Variants in USH2A observed in about 807,000 individuals in gnomAD.
USH2A encodes Usher syndrome 2A (autosomal recessive, mild).
A neutral mutation model predicts 538.9 loss-of-function variants in USH2A; 443 were observed. The observed-to-expected ratio is 0.82, with a 90% confidence interval of 0.76 to 0.89. The LOEUF (loss-of-function observed/expected upper bound fraction) is 0.89, where lower values mean the gene tolerates loss of function less well. Among genes scored for constraint, USH2A ranks in the 40% least tolerant of loss-of-function variants. The probability of loss-of-function intolerance (pLI) is 0.00; values close to 1 mark genes in which losing one functional copy is unlikely to be tolerated. For missense variants in USH2A, 6,633 were observed against 6,324.8 expected (o/e 1.05, Z -1.65); for synonymous variants, 2,413 against 2,273.5 (o/e 1.06, Z -1.75).
chr1:215,715,952 G>A (rs929005091), intron 61 of USH2A, among the ~76,000 whole-genome samples: 3 of 152,094 alleles, frequency 2.0e-5, no homozygotes, highest in Non-Finnish European at 4.4e-5. Context: ...CACCCTTCAG[G>A]TCTTCCTCCA....
intron 64 of USH2A, among the ~76,000 whole-genome samples, chr1:215,664,756 G>A (rs925189309): frequency 7.2e-5 from 11 of 152,054 alleles, no homozygotes; most frequent in African/African-American, 2.7e-4. Flanking sequence ...CTCATGAAGG[G>A]GACTAGTGTT....
At position 215,878,814 on chromosome 1, in the gene USH2A, A is replaced by G; in HGVS notation, c.8508T>C (p.Tyr2836=). ...PLSVIPLSES[Y]VVISWQPPSK... ...ATGGTGGTTGCCAAGAAATCACAAC[A>G]TATGATTCACTTAGTGGAATCACAG... Residue 2836 remains tyrosine, a synonymous_variant, in exon 42 of 72, where the codon TAT becomes TAC. Coordinates refer to ENST00000307340, the MANE Select transcript of USH2A (RefSeq NM_206933.4). The G allele has an allele frequency of 1.2e-6, 2 of 1,614,032 alleles. No individual in the cohort carries two copies. Among genetic ancestry groups the G allele is most frequent in the South Asian group, 1.1e-5 (1 of 91,074 alleles).
intron 4 of USH2A, among the ~76,000 whole-genome samples, chr1:216,355,332 A>T (rs1055572000): frequency 6.9e-6 from 1 of 145,930 alleles, no homozygotes; most frequent in Admixed American, 6.8e-5. Context: ...AGAAAGAAAG[A>T]AAGAAAGAAA....
At chr1:215,652,840 C>A (rs1008322807) in intron 64 of USH2A, among the ~76,000 whole-genome samples, 1 of 152,114 alleles carries the variant, frequency 6.6e-6, no homozygotes, top group African/African-American at 2.4e-5. Flanking sequence ...AAGAGCAGAA[C>A]TTTGGTTGGT....
intron 43 of USH2A, among the ~76,000 whole-genome samples, chr1:215,872,617 T>A (rs1243590156): frequency 1.3e-5 from 2 of 152,160 alleles, no homozygotes; most frequent in Admixed American, 6.5e-5. Context: ...ACAAAACACA[T>A]CCTTCTGGAT....
At chr1:216,301,901 G>A (rs2037222989) in intron 9 of USH2A, among the ~76,000 whole-genome samples, 1 of 152,056 alleles carries the variant, frequency 6.6e-6, no homozygotes, top group Non-Finnish European at 1.5e-5. Context: ...AATAGTAATT[G>A]TCCTCCGGCT....
intron 30 of USH2A, among the ~76,000 whole-genome samples, chr1:216,064,710 AC>A (rs1043170623): frequency 4.0e-5 from 6 of 151,882 alleles, no homozygotes; most frequent in Non-Finnish European, 8.8e-5. Context: ...ACAAATACTT[AC>A]CATTGAGTTA....
chr1:215,885,631 G>T (rs182294078), intron 41 of USH2A, among the ~76,000 whole-genome samples: 3 of 152,196 alleles, frequency 2.0e-5, no homozygotes, highest in Admixed American at 1.3e-4. Flanking sequence ...CTATGCTGCT[G>T]TGCTCTCCAA....
chr1:216,344,988 G>A (rs1051157120), intron 4 of USH2A, among the ~76,000 whole-genome samples: 29 of 151,674 alleles, frequency 1.9e-4, no homozygotes, highest in African/African-American at 7.0e-4. Context: ...GACTTGGGGA[G>A]CTTTTTCCTC....
rs201710470 is a variant in USH2A, at chr1:216,175,347, G to A, written c.4532C>T (p.Ala1511Val). 2.8e-4 allele frequency: 450 copies of A among 1,613,702 alleles called. No homozygotes were observed. Among genetic ancestry groups the A allele is most frequent in the Non-Finnish European group, 3.5e-4 (413 of 1,179,880 alleles). Reference protein sequence around the residue: ...QLERRESSLPALMTTMMKGIR... With the variant: ...QLERRESSLPVLMTTMMKGIR... ...TCCTTTCATCATCGTGGTCATCAGAGCTGGTAGAGATGACTCTCTCCTTTC... is the reference window on the plus strand; with the variant it reads ...TCCTTTCATCATCGTGGTCATCAGAACTGGTAGAGATGACTCTCTCCTTTC... Residue 1511 changes from alanine (A) to valine (V), a missense_variant, in exon 21 of 72, where the codon GCT becomes GTT. By Grantham distance (64) the Ala-to-Val change is moderately conservative. Transcript: ENST00000307340.
chr1:216,229,288 A>T (rs1394366277), intron 14 of USH2A, among the ~76,000 whole-genome samples: 1 of 151,688 alleles, frequency 6.6e-6, no homozygotes, highest in Non-Finnish European at 1.5e-5. Context: ...TCTTTTTGCG[A>T]ATCTGAAGTC....
chr1:215,844,911 G>A (rs141775417), intron 45 of USH2A, among the ~76,000 whole-genome samples: 1 of 152,162 alleles, frequency 6.6e-6, no homozygotes, highest in African/African-American at 2.4e-5. Flanking sequence ...AATGAGGCTG[G>A]TGGAACGTGA....
intron 12 of USH2A, among the ~76,000 whole-genome samples, chr1:216,247,695 T>C (rs2036080386): frequency 6.6e-6 from 1 of 152,148 alleles, no homozygotes; most frequent in South Asian, 2.1e-4. Flanking sequence ...TGGAGCTCTA[T>C]TGTACAGCAT....
At chr1:216,214,271 A>G (rs1477391711) in intron 15 of USH2A, among the ~76,000 whole-genome samples, 4 of 152,086 alleles carry the variant, frequency 2.6e-5, no homozygotes, top group African/African-American at 9.6e-5. Flanking sequence ...TATTCATAGT[A>G]GACCAATGCT....
intron 3 of USH2A, among the ~76,000 whole-genome samples, chr1:216,412,862 T>G (rs181023949): frequency 6.6e-6 from 1 of 152,142 alleles, no homozygotes; most frequent in East Asian, 1.9e-4. Context: ...AGGCTAATTT[T>G]TTAAAATCTC....
intron 36 of USH2A, among the ~76,000 whole-genome samples, chr1:215,965,886 A>G: frequency 6.6e-6 from 1 of 151,382 alleles, no homozygotes; most frequent in South Asian, 2.1e-4. Flanking sequence ...CTCTGTCAAA[A>G]AGCTACACCA....
At chr1:216,073,003 T>C in intron 28 of USH2A, 34 bp from the exon 29 acceptor site, 1 of 1,612,732 alleles carries the variant, frequency 6.2e-7, no homozygotes. Context: ...AAGATTAAAA[T>C]AATACTCATA....
intron 70 of USH2A, among the ~76,000 whole-genome samples, chr1:215,632,092 T>C (rs1292409300): frequency 2.6e-5 from 4 of 152,182 alleles, no homozygotes; most frequent in Non-Finnish European, 5.9e-5. Context: ...TGACGGAGTC[T>C]CGCTCTGTTG....
At chr1:215,970,895 TG>T in intron 35 of USH2A, 119 bp from the exon 36 acceptor site, 2 of 973,802 alleles carry the variant, frequency 2.1e-6, no homozygotes, top group South Asian at 1.4e-5. Context: ...TCACAGACTC[TG>T]GTATTTCTCC....
Sources: allele counts gnomAD v4.1 joint callset (sites outside exome capture counted in the v4.1 genomes callset), GRCh38; gene constraint gnomAD v4.1.1; transcripts MANE v1.5; gene names NCBI Gene and HGNC (gene_info 2026-07-23, HGNC 2026-07-21).